The following MTCL2 variants were observed in gnomAD, a reference collection of about 807,000 sequenced individuals.
MTCL2 encodes microtubule crosslinking factor 2.
chr20:36,806,249 G>A, the MTCL2 span, among the ~76,000 whole-genome samples: 1 of 152,290 alleles, frequency 6.6e-6, no homozygotes, highest in South Asian at 2.1e-4. Flanking sequence ...AAGGGACCTT[G>A]CTGGGGGGTT....
At chr20:36,777,908 G>A in the MTCL2 span, 1 of 604,500 alleles carries the variant, frequency 1.7e-6, no homozygotes, top group South Asian at 2.1e-5. Context: ...GGGAGGAGGA[G>A]GAACTGGGGA....
At chr20:36,789,660 G>A in the MTCL2 span, among the ~76,000 whole-genome samples, 250 of 148,162 alleles carry the variant, frequency 1.7e-3, no homozygotes, top group African/African-American at 5.3e-3. Context: ...GTGAGGCTCC[G>A]TCTCAAAAAA....
chr20:36,839,706 T>C, the MTCL2 span, among the ~76,000 whole-genome samples: 4 of 152,200 alleles, frequency 2.6e-5, no homozygotes, highest in Admixed American at 6.5e-5. The surrounding 1 kb of genome is among the most constrained non-coding windows in gnomAD (Gnocchi z 5.1). Context: ...GATGCTTTGA[T>C]GTTGGAGGAA....
the MTCL2 span, chr20:36,785,028 T>A: frequency 1.0e-6 from 1 of 985,420 alleles, no homozygotes; most frequent in Non-Finnish European, 1.2e-6. Flanking sequence ...AGACAGGCAA[T>A]GGAGAACGTC....
the MTCL2 span, among the ~76,000 whole-genome samples, chr20:36,861,112 G>A: frequency 6.6e-6 from 1 of 152,198 alleles, no homozygotes; most frequent in Non-Finnish European, 1.5e-5. Context: ...GGAGGCAGGG[G>A]TGAGGAACTC....
the MTCL2 span, among the ~76,000 whole-genome samples, chr20:36,796,193 G>T: frequency 6.6e-3 from 1,002 of 152,318 alleles, 13 homozygotes; most frequent in African/African-American, 0.023. Context: ...AACACACCAG[G>T]CATATGGAAA....
chr20:36,816,197 C>G, the MTCL2 span: 2 of 1,613,668 alleles, frequency 1.2e-6, no homozygotes, highest in South Asian at 2.2e-5. Flanking sequence ...ACTTCAGCAG[C>G]TCCTCCTTCA....
the MTCL2 span, chr20:36,794,428 C>T: frequency 1.1e-5 from 17 of 1,613,984 alleles, no homozygotes; most frequent in African/African-American, 1.2e-4. This position sits in a 1 kb window ranked among gnomAD's most constrained non-coding sequence, Gnocchi z 5.4. Context: ...AGTCCCTCGA[C>T]GAGAGCCCAG....
At chr20:36,793,985 T>G in the MTCL2 span, 1 of 1,551,530 alleles carries the variant, frequency 6.4e-7, no homozygotes, top group East Asian at 2.4e-5. This position sits in a 1 kb window ranked among gnomAD's most constrained non-coding sequence, Gnocchi z 6.8. Flanking sequence ...GGATGTGCTC[T>G]TCACTTTCCT....
the MTCL2 span, chr20:36,794,288 G>T: frequency 6.4e-7 from 1 of 1,553,080 alleles, no homozygotes; most frequent in Non-Finnish European, 8.7e-7. This position sits in a 1 kb window ranked among gnomAD's most constrained non-coding sequence, Gnocchi z 5.4. Flanking sequence ...ATGAACCACA[G>T]GGACTCCGAG....
the MTCL2 span, chr20:36,793,863 G>C: frequency 6.5e-7 from 1 of 1,548,376 alleles, no homozygotes. This position sits in a 1 kb window ranked among gnomAD's most constrained non-coding sequence, Gnocchi z 6.8. Flanking sequence ...GAAGAGCTGC[G>C]GGGTGACCAG....
At chr20:36,782,812 G>C in the MTCL2 span, 2 of 152,628 alleles carry the variant, frequency 1.3e-5, no homozygotes, top group African/African-American at 4.8e-5. Flanking sequence ...TGGGATTTCA[G>C]GCGTGAGCCA....
At chr20:36,863,422 G>T in the MTCL2 span, 1 of 1,068,550 alleles carries the variant, frequency 9.4e-7, no homozygotes, top group Non-Finnish European at 1.2e-6. This position sits in a 1 kb window ranked among gnomAD's most constrained non-coding sequence, Gnocchi z 6.2. Context: ...GGAGGGACCC[G>T]GCGCGGCTCC....
the MTCL2 span, chr20:36,786,299 G>A: frequency 7.7e-7 from 1 of 1,292,008 alleles, no homozygotes; most frequent in Non-Finnish European, 9.9e-7. Context: ...ACCACCCAGG[G>A]GCCAGCAGGA....
At chr20:36,814,309 T>G in the MTCL2 span, among the ~76,000 whole-genome samples, 1 of 152,318 alleles carries the variant, frequency 6.6e-6, no homozygotes, top group South Asian at 2.1e-4. Flanking sequence ...AAATATAAGT[T>G]GTGTAGTAAC....
At chr20:36,863,114 C>T in the MTCL2 span, 1 of 1,398,482 alleles carries the variant, frequency 7.2e-7, no homozygotes. The surrounding 1 kb of genome is among the most constrained non-coding windows in gnomAD (Gnocchi z 6.2). Flanking sequence ...CCCCGGGAGC[C>T]ACTGCGCGCC....
At chr20:36,830,093 C>T in the MTCL2 span, among the ~76,000 whole-genome samples, 3 of 152,100 alleles carry the variant, frequency 2.0e-5, no homozygotes, top group Admixed American at 6.5e-5. Flanking sequence ...CTCAGCTTCC[C>T]GAGTAGCTGA....
the MTCL2 span, among the ~76,000 whole-genome samples, chr20:36,861,744 G>C: frequency 6.6e-6 from 1 of 152,192 alleles, no homozygotes; most frequent in South Asian, 2.1e-4. Flanking sequence ...AGGTCAACAC[G>C]TGCAAGCTGG....
the MTCL2 span, chr20:36,779,451 C>G: frequency 3.3e-5 from 5 of 152,666 alleles, no homozygotes; most frequent in Admixed American, 2.6e-4. Context: ...CCCCCACCCA[C>G]CACCACACAC....
Sources: gnomAD v4.1 joint callset for allele counts (sites outside exome capture counted in the v4.1 genomes callset) on GRCh38, gnomAD v4.1.1 for gene constraint, Gnocchi (gnomAD v3.1) non-coding constraint, MANE v1.5 for transcripts, NCBI Gene and HGNC (gene_info 2026-07-23, HGNC 2026-07-21) for gene names.